Variants in TNFRSF10D observed in about 807,000 individuals in gnomAD.
TNFRSF10D encodes the protein tumor necrosis factor receptor superfamily member 10D.
A neutral mutation model predicts 42.1 loss-of-function variants in TNFRSF10D; 28 were observed. That is an observed-to-expected ratio of 0.66 (90% CI 0.49 to 0.91). The LOEUF is 0.91. Among genes scored for constraint, TNFRSF10D ranks in the 40% least tolerant of loss-of-function variants. The pLI, the probability that TNFRSF10D is intolerant of heterozygous loss-of-function variation, is 0.00. For missense variants in TNFRSF10D, 503 were observed against 486.1 expected (o/e 1.03, Z -0.33); for synonymous variants, 186 against 189.4 (o/e 0.98, Z 0.15).
intron 3 of TNFRSF10D, among the ~76,000 whole-genome samples, chr8:23,147,790 C>T (rs188490995): frequency 4.6e-5 from 7 of 151,962 alleles, no homozygotes; most frequent in South Asian, 2.1e-4. Flanking sequence ...TGGCTGGGCA[C>T]GGTGGCTCAT....
intron 1 of TNFRSF10D, among the ~76,000 whole-genome samples, chr8:23,156,056 G>A (rs780891753): frequency 1.6e-4 from 24 of 152,092 alleles, no homozygotes; most frequent in Non-Finnish European, 3.1e-4. Context: ...AAATGACGAC[G>A]AGAAGACAAC....
rs774705102 is a variant in TNFRSF10D, at chr8:23,142,219, C to T, written c.954+2231G>A. Among the ~76,000 whole-genome samples the T allele has an allele frequency of 1.4e-4, 22 of 151,846 alleles. 1 individual carries two copies. Among genetic ancestry groups the T allele is most frequent in the East Asian group, 7.8e-4 (4 of 5,152 alleles). ...TGGAGGGGCGGAGGTTGCAGTGAGC[C>T]GAGATTGTGCCACTGCACTCCAGCC... On this transcript the variant is annotated intron_variant, in intron 7 of 8. Coordinates refer to ENST00000312584, the MANE Select transcript of TNFRSF10D (RefSeq NM_003840.5).
chr8:23,160,300 C>A (rs374652185), intron 1 of TNFRSF10D, among the ~76,000 whole-genome samples: 900 of 152,132 alleles, frequency 5.9e-3, no homozygotes, highest in African/African-American at 0.019. Flanking sequence ...GCAGTGGCGG[C>A]CTCAGCTTAC....
At chr8:23,151,335 TTTA>T (rs1043115503) in intron 2 of TNFRSF10D, among the ~76,000 whole-genome samples, 1 of 152,026 alleles carries the variant, frequency 6.6e-6, no homozygotes, top group Non-Finnish European at 1.5e-5. Flanking sequence ...CAGTAAAGAC[TTTA>T]TCAGACAAAG....
At chr8:23,145,973 G>A (rs747043709) in intron 4 of TNFRSF10D, 52 bp from the exon 5 acceptor site, 2 of 1,611,262 alleles carry the variant, frequency 1.2e-6, no homozygotes, top group South Asian at 1.1e-5. Context: ...AGCTGGCCAG[G>A]TGGGATGAAA....
rs1168372272 is a variant in TNFRSF10D at position 23,144,568 on chromosome 8, G to A, written c.836C>T (p.Thr279Ile). The part of the protein sequence containing the change: ...PGAEDNARNE[T>I]LSNRYLQPTQ... Reference sequence around the variant, plus strand: ...GGGCTGCAAGTATCTGTTACTCAGGGTCTCGTTGCGGGCATTGTCCTCCGC... The same window carrying A: ...GGGCTGCAAGTATCTGTTACTCAGGATCTCGTTGCGGGCATTGTCCTCCGC... The change falls in exon 7 of 9, where the codon ACC becomes ATC. Residue 279 changes from threonine to isoleucine, a missense_variant. Thr to Ile is a moderately conservative substitution (Grantham distance 89). Transcript: ENST00000312584. 1.9e-6 allele frequency: 3 copies of A among 1,614,148 alleles called. No individual in the cohort carries two copies. The highest frequency in any genetic ancestry group is 3.3e-4 in the Middle Eastern group (2 of 6,062).
intron 1 of TNFRSF10D, among the ~76,000 whole-genome samples, chr8:23,161,630 T>C (rs1243728689): frequency 3.3e-5 from 5 of 152,188 alleles, no homozygotes; most frequent in African/African-American, 9.7e-5. Context: ...CTACTCCCAC[T>C]ACCAAAACTC....
At chr8:23,162,204 A>G (rs1800377182) in intron 1 of TNFRSF10D, among the ~76,000 whole-genome samples, 1 of 152,252 alleles carries the variant, frequency 6.6e-6, no homozygotes, top group Admixed American at 6.5e-5. Flanking sequence ...TAATAAGGCA[A>G]GATTGATGGA....
chr8:23,160,366 T>C (rs1800348785), intron 1 of TNFRSF10D, among the ~76,000 whole-genome samples: 2 of 152,174 alleles, frequency 1.3e-5, no homozygotes, highest in African/African-American at 4.8e-5. Flanking sequence ...AAGAGCCCTG[T>C]GGACTCTGCT....
chr8:23,152,746 A>G (rs1800226828), intron 2 of TNFRSF10D, among the ~76,000 whole-genome samples: 1 of 152,248 alleles, frequency 6.6e-6, no homozygotes, highest in Non-Finnish European at 1.5e-5. Flanking sequence ...AAGACAGTAC[A>G]TGTTCATGGA....
rs966291913 is a variant in TNFRSF10D at position 23,137,726 on chromosome 8, C to A, written c.*144G>T. 17 of 1,115,648 alleles carry A rather than the reference C, an allele frequency of 1.5e-5. No homozygotes were observed. In the African/African-American group the frequency reaches 2.6e-4, roughly 17 times the overall value. The allele number at this position is 1,115,648 out of a possible 1,614,324, so 69.1% of individuals were successfully genotyped here. Reference sequence around the variant, plus strand: ...TTACTCCAAGTGCGTTAACAAAGTTCTAGGACCATTGGTAAGCTGCCCCAT... The same window carrying A: ...TTACTCCAAGTGCGTTAACAAAGTTATAGGACCATTGGTAAGCTGCCCCAT... On this transcript the variant is annotated 3_prime_UTR_variant, in exon 9 of 9. Transcript: ENST00000312584.
intron 2 of TNFRSF10D, among the ~76,000 whole-genome samples, chr8:23,152,711 A>T (rs975882208): frequency 6.6e-6 from 1 of 152,226 alleles, no homozygotes; most frequent in Non-Finnish European, 1.5e-5. Flanking sequence ...GATGAAAGAA[A>T]CGGAAAGTAA....
chr8:23,144,717 C>A (rs558660132), intron 6 of TNFRSF10D, 82 bp from the exon 7 acceptor site: 2 of 1,505,534 alleles, frequency 1.3e-6, no homozygotes, highest in African/African-American at 2.8e-5. Flanking sequence ...ACCTGCCATC[C>A]CCAACCCCTT....
Position 23,137,938 on chromosome 8 carries a change from G to T in TNFRSF10D, c.1093C>A (p.Gln365Lys). 1 of 1,614,200 alleles carries T rather than the reference G, an allele frequency of 6.2e-7. No individual in the cohort carries two copies. The highest frequency in any genetic ancestry group is 8.5e-7 in the Non-Finnish European group (1 of 1,180,034). Residue 365 changes from glutamine (Q) to lysine (K), a missense_variant, in exon 9 of 9, where the codon CAA becomes AAA. Physicochemically the swap from Gln to Lys is moderately conservative, Grantham distance 53. Transcript: ENST00000312584. ...EGHAKETIQD[Q>K]LVGSEKLFYE... Reference sequence around the variant, plus strand: ...AAGAGCTTTTCGGAGCCCACCAGTTGGTCCTGAATTGTTTCCTTTGCATGT... The same window carrying T: ...AAGAGCTTTTCGGAGCCCACCAGTTTGTCCTGAATTGTTTCCTTTGCATGT...
intron 7 of TNFRSF10D, among the ~76,000 whole-genome samples, chr8:23,139,282 C>G (rs942432658): frequency 6.6e-6 from 1 of 151,948 alleles, no homozygotes; most frequent in Non-Finnish European, 1.5e-5. Flanking sequence ...ATACTTGACA[C>G]CAAATGTTAT....
intron 2 of TNFRSF10D, among the ~76,000 whole-genome samples, chr8:23,154,012 T>C (rs1285206195): frequency 6.6e-6 from 1 of 152,154 alleles, no homozygotes; most frequent in African/African-American, 2.4e-5. Context: ...ATGTAGTACA[T>C]AGACACAATG....
chr8:23,159,259 C>T (rs1203155127), intron 1 of TNFRSF10D, among the ~76,000 whole-genome samples: 7 of 152,252 alleles, frequency 4.6e-5, no homozygotes, highest in African/African-American at 2.4e-5. Flanking sequence ...GCCCACCCAC[C>T]CTGGCCCATT....
rs1212088939 is a variant in TNFRSF10D, at chr8:23,136,924, A to T, written c.*946T>A. 2 of 152,142 alleles carry T rather than the reference A, an allele frequency of 1.3e-5. No homozygotes were observed. Among genetic ancestry groups the T allele is most frequent in the African/African-American group, 2.4e-5 (1 of 41,446 alleles). 9.4% of individuals were successfully genotyped at this position (152,142 alleles called of 1,614,324 possible). A position where few individuals can be genotyped will look rare whatever the true frequency, so the allele number is the denominator to read the frequency against. On this transcript the variant is annotated 3_prime_UTR_variant, in exon 9 of 9. Transcript: ENST00000312584. ...TCAGGGCGCAGGAGGGAGAACTGGA[A>T]TGCAGTAAGTGCCTCCCACAGAGGG...
intron 7 of TNFRSF10D, among the ~76,000 whole-genome samples, chr8:23,140,916 A>G (rs1256743990): frequency 6.6e-6 from 1 of 152,172 alleles, no homozygotes; most frequent in Non-Finnish European, 1.5e-5. Flanking sequence ...ATGAAAATGG[A>G]ATAATACAAC....
Sources: gnomAD v4.1 joint callset for allele counts (sites outside exome capture counted in the v4.1 genomes callset) on GRCh38, gnomAD v4.1.1 for gene constraint, MANE v1.5 for transcripts, NCBI Gene and HGNC (gene_info 2026-07-23, HGNC 2026-07-21) for gene names.